Variants in IL33 observed in about 807,000 individuals in gnomAD.
IL33 encodes the protein interleukin-33.
IL33 carries 37 observed loss-of-function variants against 27.3 expected under a neutral mutation model. The observed-to-expected ratio is 1.36, with a 90% confidence interval of 1.04 to 1.78. The LOEUF is 1.78. Ranked by LOEUF, IL33 falls within the 40% of genes most tolerant of loss-of-function variation. IL33 has a pLI of 0.00. For missense variants in IL33, 406 were observed against 311.4 expected, an observed-to-expected ratio of 1.30 and a Z score of -2.29; for synonymous variants, 132 against 102.9, an observed-to-expected ratio of 1.28 and a Z score of -1.71.
intron 1 of IL33, among the ~76,000 whole-genome samples, chr9:6,221,766 C>G (rs1240121735): frequency 6.6e-6 from 1 of 152,070 alleles, no homozygotes; most frequent in Non-Finnish European, 1.5e-5. Context: ...AGTGTCTTGG[C>G]AAAGGAAAGG....
chr9:6,233,285 A>G (rs539354688), intron 1 of IL33, among the ~76,000 whole-genome samples: 1 of 152,288 alleles, frequency 6.6e-6, no homozygotes, highest in Non-Finnish European at 1.5e-5. Context: ...CTACATTACA[A>G]AGATTGAAGC....
Position 6,257,532 on chromosome 9 carries a change from A to G in IL33, c.*1364A>G, listed in dbSNP as rs1816806521. On this transcript the variant is annotated 3_prime_UTR_variant, in exon 8 of 8. Coordinates refer to ENST00000682010, the MANE Select transcript of IL33 (RefSeq NM_033439.4). The stretch of plus-strand genomic sequence containing the variant: ...AATAAAATTTATACTCAACCATATA[A>G]TAACATTTTTTAACTACTAAAGGAG... 1 of 152,638 alleles carries G rather than the reference A, an allele frequency of 6.6e-6. No individual in the cohort carries two copies. The highest frequency in any genetic ancestry group is 1.5e-5 in the Non-Finnish European group (1 of 68,020). The allele number at this position is 152,638 out of a possible 1,614,324, so 9.5% of individuals were successfully genotyped here.
chr9:6,219,958 C>T (rs1818339597), intron 1 of IL33, among the ~76,000 whole-genome samples: 1 of 152,166 alleles, frequency 6.6e-6, no homozygotes, highest in African/African-American at 2.4e-5. Context: ...TTCCAAACTA[C>T]TTCATTTAGT....
At chr9:6,234,526 G>A (rs75555495) in intron 1 of IL33, among the ~76,000 whole-genome samples, 1 of 152,174 alleles carries the variant, frequency 6.6e-6, no homozygotes, top group African/African-American at 2.4e-5. Flanking sequence ...AGTGAGACTT[G>A]GGTTTTAATC....
rs984218723 is a variant in IL33, at chr9:6,256,910, T to G, written c.*742T>G. 3 of 152,238 alleles carry G rather than the reference T, an allele frequency of 2.0e-5. No homozygotes were observed. Among genetic ancestry groups the G allele is most frequent in the African/African-American group, 4.8e-5 (2 of 41,476 alleles). The allele number at this position is 152,238 out of a possible 1,614,324, so 9.4% of individuals were successfully genotyped here. On this transcript the variant is annotated 3_prime_UTR_variant, in exon 8 of 8. Transcript: ENST00000682010. ...TATATTGAGTTTAAGCAAGGCATTCTTACACGAGGAAGTGAAGTAAATTTT... is the reference window on the plus strand; with the variant it reads ...TATATTGAGTTTAAGCAAGGCATTCGTACACGAGGAAGTGAAGTAAATTTT...
At chr9:6,246,499 T>G (rs1365317662) in intron 2 of IL33, among the ~76,000 whole-genome samples, 1 of 151,964 alleles carries the variant, frequency 6.6e-6, no homozygotes. Context: ...GAGGCAGAGG[T>G]TGCAGTGAGC....
chr9:6,238,937 G>A (rs143953176), intron 1 of IL33, among the ~76,000 whole-genome samples: 49 of 152,198 alleles, frequency 3.2e-4, no homozygotes, highest in African/African-American at 1.1e-3. Flanking sequence ...TTTTCAGTAC[G>A]ATACAGTGAC....
intron 1 of IL33, among the ~76,000 whole-genome samples, chr9:6,222,486 T>C (rs1818453281): frequency 6.6e-6 from 1 of 152,218 alleles, no homozygotes; most frequent in African/African-American, 2.4e-5. Flanking sequence ...GTGAAAGTGT[T>C]GTGGAATATA....
At chr9:6,221,486 A>C (rs1340079090) in intron 1 of IL33, among the ~76,000 whole-genome samples, 1 of 152,250 alleles carries the variant, frequency 6.6e-6, no homozygotes, top group Non-Finnish European at 1.5e-5. Flanking sequence ...CCATGAAAGC[A>C]GATTCAACAT....
chr9:6,246,805 G>T (rs184067592), intron 2 of IL33, among the ~76,000 whole-genome samples: 2 of 152,158 alleles, frequency 1.3e-5, no homozygotes, highest in Non-Finnish European at 2.9e-5. Flanking sequence ...ATCAGCTACA[G>T]CCCCTCAATC....
Position 6,241,734 on chromosome 9 carries a change from A to G in IL33, c.40A>G (p.Thr14Ala), listed in dbSNP as rs1819539566. The change falls in exon 2 of 8, where the codon ACA (threonine) becomes GCA (alanine). Residue 14 changes from threonine (T) to alanine (A), a missense_variant. Transcript: ENST00000682010. The part of the protein sequence containing the change: ...KMKYSTNKIS[T>A]AKWKNTASKA... Reference sequence around the variant, plus strand: ...GAAGTATTCAACCAACAAAATTTCCACAGCAAAGTGGAAGAACACAGCAAG... The same window carrying G: ...GAAGTATTCAACCAACAAAATTTCCGCAGCAAAGTGGAAGAACACAGCAAG... The G allele has an allele frequency of 6.2e-7, 1 of 1,611,842 alleles. No individual in the cohort carries two copies. Among genetic ancestry groups the G allele is most frequent in the Non-Finnish European group, 8.5e-7 (1 of 1,178,758 alleles).
chr9:6,248,240 CTTTTTTTTT>C (rs1179234471), intron 2 of IL33, among the ~76,000 whole-genome samples: 2 of 84,872 alleles, frequency 2.4e-5, no homozygotes, highest in Non-Finnish European at 4.6e-5. Flanking sequence ...CTTTTCTTTT[CTTTTTTTTT>C]TTTTTTTTTT....
At chr9:6,226,421 T>C (rs1818631892) in intron 1 of IL33, among the ~76,000 whole-genome samples, 2 of 152,154 alleles carry the variant, frequency 1.3e-5, no homozygotes, top group South Asian at 2.1e-4. Flanking sequence ...CTTTAAATGT[T>C]GTTCCATCTC....
intron 1 of IL33, among the ~76,000 whole-genome samples, chr9:6,221,831 A>G (rs978374882): frequency 6.6e-6 from 1 of 152,238 alleles, no homozygotes; most frequent in Admixed American, 6.5e-5. Context: ...AGAAGAAGTC[A>G]TATCTGTCCA....
chr9:6,255,242 T>C (rs1012678863), intron 7 of IL33, among the ~76,000 whole-genome samples: 4 of 152,140 alleles, frequency 2.6e-5, no homozygotes, highest in Non-Finnish European at 4.4e-5. Context: ...ATATAGAAGA[T>C]AAATTATACA....
At chr9:6,255,869 C>T (rs995411552) in intron 7 of IL33, 99 bp from the exon 8 acceptor site, 1 of 927,894 alleles carries the variant, frequency 1.1e-6, no homozygotes, top group Non-Finnish European at 1.7e-6. Flanking sequence ...AATATCAAGT[C>T]ATAAATAAGT....
At chr9:6,233,773 T>G (rs1019767458) in intron 1 of IL33, among the ~76,000 whole-genome samples, 8 of 152,230 alleles carry the variant, frequency 5.3e-5, no homozygotes, top group African/African-American at 1.9e-4. Flanking sequence ...CAAGGTCACC[T>G]AGCTAGTAAG....
chr9:6,228,897 A>G (rs1374773982), intron 1 of IL33, among the ~76,000 whole-genome samples: 1 of 126,370 alleles, frequency 7.9e-6, no homozygotes, highest in Non-Finnish European at 1.8e-5. Flanking sequence ...AGAAAAAAAC[A>G]AGTAAAAACA....
In IL33 at chr9:6,256,346, T is replaced by A; in HGVS notation, c.*178T>A. 1 of 589,048 alleles carries A rather than the reference T, an allele frequency of 1.7e-6. No homozygotes were observed. Among genetic ancestry groups the A allele is most frequent in the Non-Finnish European group, 3.0e-6 (1 of 335,250 alleles). 36.5% of individuals were successfully genotyped at this position (589,048 alleles called of 1,614,324 possible). The stretch of plus-strand genomic sequence containing the variant: ...TTCTAATCCTCCAGTTATTCTTTTA[T>A]TTCCCTCTGTATAACTGCATCTTCA... On this transcript the variant is annotated 3_prime_UTR_variant, in exon 8 of 8. Transcript: ENST00000682010.
Sources: allele counts gnomAD v4.1 joint callset (sites outside exome capture counted in the v4.1 genomes callset), GRCh38; gene constraint gnomAD v4.1.1; transcripts MANE v1.5; gene names NCBI Gene and HGNC (gene_info 2026-07-23, HGNC 2026-07-21).